RNF4: variants seen among roughly 807,000 people sequenced by gnomAD.
RNF4 encodes E3 ubiquitin-protein ligase RNF4.
Under a neutral mutation model 24.3 loss-of-function variants are expected in RNF4, and 7 were observed. The observed-to-expected ratio is 0.29, with a 90% confidence interval of 0.16 to 0.54. RNF4 has a LOEUF of 0.54. Among genes scored for constraint, RNF4 ranks in the 20% least tolerant of loss-of-function variants. The probability of loss-of-function intolerance (pLI) is 0.95; values close to 1 mark genes in which losing one functional copy is unlikely to be tolerated. For synonymous variants in RNF4, 83 were observed against 84.3 expected, an observed-to-expected ratio of 0.98 and a Z score of 0.09; for missense variants, 209 against 248.5, an observed-to-expected ratio of 0.84 and a Z score of 1.07.
At chr4:2,472,769 C>A (rs1040441381) in intron 1 of RNF4, among the ~76,000 whole-genome samples, 1 of 152,134 alleles carries the variant, frequency 6.6e-6, no homozygotes, top group South Asian at 2.1e-4. Flanking sequence ...TCTCCAGGCA[C>A]GGTGGCTCAC....
Position 2,512,803 on chromosome 4 carries a change from G to A in RNF4, c.374+206G>A, listed in dbSNP as rs1736305698. 6.6e-6 allele frequency among the ~76,000 whole-genome samples: 1 copy of A among 152,190 alleles called. No homozygotes were observed. Among genetic ancestry groups the A allele is most frequent in the South Asian group, 2.1e-4 (1 of 4,836 alleles). Reference sequence around the variant, plus strand: ...AGAGGATGCCAAGCGCTGACACAGTGTGTGCAGACAGTCCCAGTGGCCCCA... The same window carrying A: ...AGAGGATGCCAAGCGCTGACACAGTATGTGCAGACAGTCCCAGTGGCCCCA... On this transcript the variant is annotated intron_variant, in intron 6 of 7. Coordinates refer to ENST00000314289, the MANE Select transcript of RNF4 (RefSeq NM_002938.5). This position sits in a 1 kb window ranked among gnomAD's most constrained non-coding sequence, Gnocchi z 4.1.
rs759659404 is a variant in RNF4 at position 2,512,344 on chromosome 4, G to T, written c.215-94G>T. 5.6e-6 allele frequency: 8 copies of T among 1,432,000 alleles called. No individual in the cohort carries two copies. The highest frequency in any genetic ancestry group is 6.7e-6 in the Non-Finnish European group (7 of 1,041,272). 88.7% of individuals were successfully genotyped at this position (1,432,000 alleles called of 1,614,324 possible). The stretch of plus-strand genomic sequence containing the variant: ...TTTGTCTCTGGGGGTCCCAGGCAGG[G>T]AAGGAAGAGGGTCTTAAGAGGCGTC... On this transcript the variant is annotated intron_variant, in intron 5 of 7. Transcript: ENST00000314289. This position sits in a 1 kb window ranked among gnomAD's most constrained non-coding sequence, Gnocchi z 4.1.
chr4:2,482,834 C>T (rs1003144894), intron 1 of RNF4, among the ~76,000 whole-genome samples: 7 of 140,224 alleles, frequency 5.0e-5, no homozygotes, highest in African/African-American at 1.5e-4. Context: ...GAATAAATAA[C>T]TCTGGGTGAG....
At chr4:2,494,185 C>G (rs1461333788) in intron 2 of RNF4, among the ~76,000 whole-genome samples, 1 of 151,956 alleles carries the variant, frequency 6.6e-6, no homozygotes, top group African/African-American at 2.4e-5. Flanking sequence ...TTTTTTTTAG[C>G]AAGGCCATAT....
intron 1 of RNF4, among the ~76,000 whole-genome samples, chr4:2,475,239 C>G (rs928046231): frequency 1.3e-5 from 2 of 152,228 alleles, no homozygotes; most frequent in Non-Finnish European, 2.9e-5. Flanking sequence ...GATCGTAACT[C>G]ACTGCAGCTT....
intron 2 of RNF4, among the ~76,000 whole-genome samples, chr4:2,491,138 G>C (rs1735568275): frequency 6.6e-6 from 1 of 152,078 alleles, no homozygotes; most frequent in African/African-American, 2.4e-5. Context: ...TGACATTCTT[G>C]GTTCATTCAG....
At chr4:2,492,782 C>T (rs1386384143) in intron 2 of RNF4, among the ~76,000 whole-genome samples, 1 of 152,214 alleles carries the variant, frequency 6.6e-6, no homozygotes, top group East Asian at 1.9e-4. Flanking sequence ...TCTTTGACCT[C>T]CCACCTTGGT....
At chr4:2,472,658 C>T (rs1734941544) in intron 1 of RNF4, among the ~76,000 whole-genome samples, 2 of 151,086 alleles carry the variant, frequency 1.3e-5, no homozygotes, top group African/African-American at 4.9e-5. Context: ...TTTTGTAAGG[C>T]TACAGCTACA....
intron 1 of RNF4, among the ~76,000 whole-genome samples, chr4:2,483,501 TTC>T (rs1735303493): frequency 6.6e-6 from 1 of 152,148 alleles, no homozygotes; most frequent in Non-Finnish European, 1.5e-5. Context: ...GGTATCAAAG[TTC>T]TGTTTAAGAG....
At position 2,497,119 on chromosome 4, in the gene RNF4, C is replaced by G. The variant is rs1430036675; in HGVS notation, c.122C>G (p.Thr41Ser). 1.9e-6 allele frequency: 3 copies of G among 1,601,904 alleles called. No individual in the cohort carries two copies. Among genetic ancestry groups the G allele is most frequent in the Non-Finnish European group, 2.6e-6 (3 of 1,173,924 alleles). The part of the protein sequence containing the change: ...LEAEPIELVE[T>S]AGDEIVDLTC... ...GCAGAACCCATAGAACTCGTGGAAA[C>G]TGGTAAGATTGCCAGGGACACTACA... Residue 41 changes from threonine (T) to serine (S), a missense_variant and splice_region_variant, in exon 3 of 8, where the codon ACT (threonine) becomes AGT (serine). Transcript: ENST00000314289.
chr4:2,500,140 G>A (rs1735864530), intron 3 of RNF4, among the ~76,000 whole-genome samples: 1 of 140,332 alleles, frequency 7.1e-6, no homozygotes, highest in Non-Finnish European at 1.5e-5. Context: ...CTTGGCGACA[G>A]AGCGAGACTC....
intron 1 of RNF4, 30 bp from the exon 2 acceptor site, chr4:2,490,307 A>G (rs1735541099): frequency 3.4e-6 from 2 of 591,756 alleles, no homozygotes; most frequent in Admixed American, 2.9e-5. Flanking sequence ...AAGTGGCAGT[A>G]TTTATCAAAT....
chr4:2,470,102 T>A (rs1734856429), intron 1 of RNF4: 1 of 152,404 alleles, frequency 6.6e-6, no homozygotes, highest in African/African-American at 2.4e-5. Context: ...ACAAACTTAA[T>A]AATCTTCGTT....
intron 1 of RNF4, among the ~76,000 whole-genome samples, chr4:2,479,135 G>A (rs1047505884): frequency 6.6e-6 from 1 of 152,316 alleles, no homozygotes; most frequent in South Asian, 2.1e-4. Context: ...GGGGCCTGTA[G>A]CCCCTTTGTT....
intron 4 of RNF4, among the ~76,000 whole-genome samples, chr4:2,510,421 A>G (rs1379516606): frequency 1.3e-5 from 2 of 152,184 alleles, no homozygotes; most frequent in Non-Finnish European, 2.9e-5. Context: ...GGGTTCGTGT[A>G]GACAGTACTG....
chr4:2,477,832 T>C (rs1328485492), intron 1 of RNF4, among the ~76,000 whole-genome samples: 1 of 152,076 alleles, frequency 6.6e-6, no homozygotes, highest in Non-Finnish European at 1.5e-5. Flanking sequence ...ACCAGTAGAG[T>C]GCGATGCTGC....
At chr4:2,482,883 C>G (rs1217630241) in intron 1 of RNF4, among the ~76,000 whole-genome samples, 1 of 152,162 alleles carries the variant, frequency 6.6e-6, no homozygotes, top group Non-Finnish European at 1.5e-5. Flanking sequence ...TTTCTTCAAC[C>G]TCCTCTGAGT....
intron 1 of RNF4, among the ~76,000 whole-genome samples, chr4:2,484,067 T>TTCCCCCCCCCC (rs113878655): frequency 7.5e-5 from 1 of 13,248 alleles, no homozygotes; most frequent in Non-Finnish European, 1.6e-4. Flanking sequence ...CCTCAGGTGA[T>TTCCCCCCCCCC]CCCCCCCCGC....
intron 1 of RNF4, among the ~76,000 whole-genome samples, chr4:2,485,795 A>G (rs1414601942): frequency 6.6e-6 from 1 of 152,212 alleles, no homozygotes; most frequent in African/African-American, 2.4e-5. Context: ...AGCTAGGTAG[A>G]AAGTAAATAG....
Sources: allele counts gnomAD v4.1 joint callset (sites outside exome capture counted in the v4.1 genomes callset), GRCh38; gene constraint gnomAD v4.1.1; non-coding constraint Gnocchi (gnomAD v3.1); transcripts MANE v1.5; gene names NCBI Gene and HGNC (gene_info 2026-07-23, HGNC 2026-07-21).